Variants in ARHGEF7 observed in about 807,000 individuals in gnomAD.
The protein encoded by ARHGEF7 is Rho guanine nucleotide exchange factor 7.
Under a neutral mutation model 109.8 loss-of-function variants are expected in ARHGEF7, and 33 were observed. That is an observed-to-expected ratio of 0.30 (90% CI 0.23 to 0.40). The LOEUF (loss-of-function observed/expected upper bound fraction) is 0.40, where lower values mean the gene tolerates loss of function less well. ARHGEF7 is among the 10% of genes least tolerant of loss of function. The pLI is 1.00. For missense variants in ARHGEF7, 938 were observed against 1,098.5 expected (o/e 0.85, Z 2.07); for synonymous variants, 458 against 424.6 (o/e 1.08, Z -0.97).
rs2087404523 is a variant in ARHGEF7 at position 111,239,559 on chromosome 13, C to CCCTTGG, written c.760-4311_760-4306dup. ...CTTCGTCTCTTCATCTTCTGCTTTG[C>CCCTTGG]CCTTGGCTTTTCTCCACCTCAATGA... On this transcript the variant is annotated intron_variant, in intron 6 of 21. Coordinates refer to ENST00000646102, the MANE Select transcript of ARHGEF7 (RefSeq NM_001354046.2). This position sits in a 1 kb window ranked among gnomAD's most constrained non-coding sequence, Gnocchi z 4.3. 6.6e-6 allele frequency among the ~76,000 whole-genome samples: 1 copy of CCCTTGG among 152,130 alleles called. No homozygotes were observed.
chr13:111,293,987 G>A (rs2093364626), intron 19 of ARHGEF7: 1 of 985,368 alleles, frequency 1.0e-6, no homozygotes, highest in African/African-American at 1.7e-5. Context: ...GAGACATCAG[G>A]GCAGCTGTTA....
Position 111,283,189 on chromosome 13 carries a change from C to G in ARHGEF7, c.1776C>G (p.Pro592=), listed in dbSNP as rs34641102. The change falls in exon 16 of 22, where the codon CCC becomes CCG. Residue 592 remains proline (P), a synonymous_variant. Coordinates refer to ENST00000646102, the MANE Select transcript of ARHGEF7 (RefSeq NM_001354046.2). The part of the protein sequence containing the change: ...TPSSKHADSK[P]APLTPAYHTL... ...CCAGCAAGCACGCAGACAGCAAGCC[C>G]GCGCCGCTGACGCCCGCCTACCACA... The G allele has an allele frequency of 6.3e-7, 1 of 1,597,212 alleles. No homozygotes were observed. Among genetic ancestry groups the G allele is most frequent in the South Asian group, 1.1e-5 (1 of 88,226 alleles).
chr13:111,153,732 G>T, intron 1 of ARHGEF7, 173 bp from the exon 2 acceptor site: 3 of 1,335,944 alleles, frequency 2.2e-6, no homozygotes, highest in African/African-American at 1.6e-5. Context: ...GTGAGGAGAA[G>T]CAGCGGCTGA....
At chr13:111,160,888 CTG>C (rs1348158292) in intron 2 of ARHGEF7, among the ~76,000 whole-genome samples, 1 of 152,224 alleles carries the variant, frequency 6.6e-6, no homozygotes, top group Non-Finnish European at 1.5e-5. Context: ...CCATGTGGAA[CTG>C]TGAGTCATTT....
intron 9 of ARHGEF7, among the ~76,000 whole-genome samples, chr13:111,271,409 C>T (rs2092135704): frequency 6.6e-6 from 1 of 152,198 alleles, no homozygotes; most frequent in South Asian, 2.1e-4. Flanking sequence ...ATGATAGGAA[C>T]ACATGCGGTG....
At position 111,296,120 on chromosome 13, in the gene ARHGEF7, G is replaced by A. The variant is rs75288343; in HGVS notation, c.2311+3826G>A. 6.2e-3 allele frequency among the ~76,000 whole-genome samples: 949 copies of A among 152,262 alleles called. 6 individuals are homozygous for A. The highest frequency in any genetic ancestry group is 0.022 in the African/African-American group (910 of 41,552). ...TGGTGGTCGCGAGCTGGCACTCGGG[G>A]CCCCAGGGGTTGATCAGCACTGTGT... is the stretch of plus-strand genomic sequence containing the variant. On this transcript the variant is annotated intron_variant, in intron 19 of 21. Coordinates refer to ENST00000646102, the MANE Select transcript of ARHGEF7 (RefSeq NM_001354046.2).
chr13:111,254,175 A>T (rs1055230764), intron 8 of ARHGEF7, among the ~76,000 whole-genome samples: 3 of 152,250 alleles, frequency 2.0e-5, no homozygotes, highest in African/African-American at 7.2e-5. Flanking sequence ...CTGTAAGATG[A>T]TAGTGAAAAC....
intron 12 of ARHGEF7, 158 bp downstream of exon 12, chr13:111,275,836 T>C: frequency 3.4e-6 from 3 of 879,184 alleles, no homozygotes; most frequent in Non-Finnish European, 5.3e-6. Flanking sequence ...GGAGAGAGGC[T>C]TATGGCATGT....
intron 1 of ARHGEF7, among the ~76,000 whole-genome samples, chr13:111,132,856 A>G (rs1456810574): frequency 6.6e-6 from 1 of 151,792 alleles, no homozygotes; most frequent in Non-Finnish European, 1.5e-5. Flanking sequence ...AGGTGGGTAG[A>G]GAGTGTTATT....
At chr13:111,256,399 A>C (rs1035341549) in intron 8 of ARHGEF7, among the ~76,000 whole-genome samples, 1 of 152,094 alleles carries the variant, frequency 6.6e-6, no homozygotes, top group Non-Finnish European at 1.5e-5. Context: ...CCCTGCCCAC[A>C]CTCAGGTTCT....
At chr13:111,208,893 C>T (rs2153474139) in intron 3 of ARHGEF7, among the ~76,000 whole-genome samples, 1 of 152,268 alleles carries the variant, frequency 6.6e-6, no homozygotes, top group Admixed American at 6.5e-5. Flanking sequence ...CAGGACAGCC[C>T]CTGCCCAGCT....
chr13:111,298,873 C>T (rs2093487812), intron 19 of ARHGEF7, among the ~76,000 whole-genome samples: 1 of 152,226 alleles, frequency 6.6e-6, no homozygotes. Context: ...ACTTTAACAA[C>T]AGCCGCAGGT....
At chr13:111,129,039 A>G (rs1372567768) in intron 1 of ARHGEF7, among the ~76,000 whole-genome samples, 4 of 152,252 alleles carry the variant, frequency 2.6e-5, no homozygotes, top group Non-Finnish European at 5.9e-5. Flanking sequence ...AGAACAGAAT[A>G]GAGGTAGAAT....
chr13:111,288,822 TTTTTA>T (rs1204210088), intron 18 of ARHGEF7, among the ~76,000 whole-genome samples: 1 of 152,206 alleles, frequency 6.6e-6, no homozygotes, highest in Non-Finnish European at 1.5e-5. Flanking sequence ...GAATTTTTGG[TTTTTA>T]TTTTGTTATT....
chr13:111,174,069 A>G (rs2153418612), intron 2 of ARHGEF7, among the ~76,000 whole-genome samples: 1 of 152,342 alleles, frequency 6.6e-6, no homozygotes, highest in Middle Eastern at 3.4e-3. Context: ...TTCGGATAAG[A>G]TTAATGAAGC....
At chr13:111,126,534 T>A (rs1446419903) in intron 1 of ARHGEF7, among the ~76,000 whole-genome samples, 4 of 151,878 alleles carry the variant, frequency 2.6e-5, no homozygotes, top group Non-Finnish European at 5.9e-5. Flanking sequence ...ATGGCCAAAT[T>A]CTTGTGACTT....
chr13:111,172,688 GA>G (rs2077716674), intron 2 of ARHGEF7, among the ~76,000 whole-genome samples: 1 of 152,246 alleles, frequency 6.6e-6, no homozygotes, highest in African/African-American at 2.4e-5. Flanking sequence ...ATAGCAGAGA[GA>G]GGGGTCCTGG....
At chr13:111,274,114 G>A (rs1167161810) in intron 10 of ARHGEF7, among the ~76,000 whole-genome samples, 162 bp downstream of exon 10, 2 of 152,118 alleles carry the variant, frequency 1.3e-5, no homozygotes, top group Admixed American at 6.5e-5. Context: ...CCTTATTCCA[G>A]CTCTATTAGA....
chr13:111,291,854 G>A (rs1203915142), intron 18 of ARHGEF7, among the ~76,000 whole-genome samples: 1 of 152,074 alleles, frequency 6.6e-6, no homozygotes, highest in African/African-American at 2.4e-5. Flanking sequence ...TTTTAAAAAA[G>A]CAGTTTGAAA....
Sources: allele counts gnomAD v4.1 joint callset (sites outside exome capture counted in the v4.1 genomes callset), GRCh38; gene constraint gnomAD v4.1.1; non-coding constraint Gnocchi (gnomAD v3.1); transcripts MANE v1.5; gene names NCBI Gene and HGNC (gene_info 2026-07-23, HGNC 2026-07-21).